Variants in SLC25A53 observed in about 807,000 individuals in gnomAD.
SLC25A53 encodes the protein mitochondrial carrier triple repeat protein 6.
Under a neutral mutation model 15.0 loss-of-function variants are expected in SLC25A53, and 5 were observed. That is an observed-to-expected ratio of 0.33 (90% CI 0.17 to 0.70). SLC25A53 has a LOEUF of 0.70. Ranked by LOEUF, SLC25A53 falls within the 30% of genes least tolerant of loss-of-function variation. The pLI is 0.67. For synonymous variants in SLC25A53, 95 were observed against 100.0 expected, an observed-to-expected ratio of 0.95 and a Z score of 0.30; for missense variants, 216 against 241.6, an observed-to-expected ratio of 0.89 and a Z score of 0.70.
intron 1 of SLC25A53, among the ~76,000 whole-genome samples, chrX:104,153,129 T>C (rs1323743196): frequency 2.7e-5 from 3 of 111,082 alleles, no homozygotes; most frequent in African/African-American, 9.8e-5. Flanking sequence ...CTAGAGTAAA[T>C]AAAATGATTT....
At chrX:104,132,858 A>C (rs781903230) in intron 1 of SLC25A53, among the ~76,000 whole-genome samples, 6 of 111,713 alleles carry the variant, frequency 5.4e-5, no homozygotes, top group Non-Finnish European at 1.1e-4. Context: ...GTGGGGATAA[A>C]ATCTTGGAAT....
chrX:104,130,238 T>A (rs1332667487), intron 1 of SLC25A53, among the ~76,000 whole-genome samples: 2 of 111,113 alleles, frequency 1.8e-5, no homozygotes, highest in Non-Finnish European at 1.9e-5. Context: ...CATCAACAGC[T>A]CTTTCTCTTG....
chrX:104,128,989 C>T (rs914119744), intron 1 of SLC25A53, among the ~76,000 whole-genome samples: 2 of 111,713 alleles, frequency 1.8e-5, no homozygotes, highest in Non-Finnish European at 3.8e-5. Context: ...TCTAAAGACA[C>T]CTTCTTTAAT....
chrX:104,142,759 C>CA (rs557363092), intron 1 of SLC25A53, among the ~76,000 whole-genome samples: 1,428 of 96,912 alleles, frequency 0.015, 16 homozygotes, highest in Non-Finnish European at 0.023. Context: ...ACTAAAACTA[C>CA]AAAAAAAAAA....
intron 1 of SLC25A53, among the ~76,000 whole-genome samples, chrX:104,129,178 T>C (rs1215144141): frequency 9.0e-6 from 1 of 111,628 alleles, no homozygotes; most frequent in African/African-American, 3.3e-5. Flanking sequence ...AATCCACAAA[T>C]TTTGCTGCTT....
chrX:104,106,916 C>T (rs2075313690), intron 1 of SLC25A53, among the ~76,000 whole-genome samples: 2 of 106,831 alleles, frequency 1.9e-5, no homozygotes, highest in Admixed American at 9.9e-5. Flanking sequence ...TCCCCGCAAT[C>T]CCATTCCTAT....
At position 104,103,205 on chromosome X, in the gene SLC25A53, C is replaced by T. The variant is rs1602479567; in HGVS notation, c.*1129G>A. On this transcript the variant is annotated 3_prime_UTR_variant, in exon 2 of 2. Transcript: ENST00000594199. Reference sequence around the variant, plus strand: ...ACATTCAGTTGGGGAAAATCAAGAACTCCATAGAGAAGGTGACCTCTGAGC... The same window carrying T: ...ACATTCAGTTGGGGAAAATCAAGAATTCCATAGAGAAGGTGACCTCTGAGC... The T allele has an allele frequency of 3.6e-5, 4 of 110,113 alleles. 1 individual carries two copies. In the Admixed American group the frequency reaches 3.9e-4, roughly 11 times the overall value. 9.1% of individuals were successfully genotyped at this position (110,113 alleles called of 1,213,427 possible). A position where few individuals can be genotyped will look rare whatever the true frequency, so the allele number is the denominator to read the frequency against.
chrX:104,110,635 GCTCT>G (rs2075336438), intron 1 of SLC25A53, among the ~76,000 whole-genome samples: 1 of 112,051 alleles, frequency 8.9e-6, no homozygotes, highest in African/African-American at 3.2e-5. Context: ...AGTAATACCT[GCTCT>G]CTAAGTCAGG....
intron 1 of SLC25A53, among the ~76,000 whole-genome samples, chrX:104,155,904 T>C (rs1226148272): frequency 9.2e-6 from 1 of 108,882 alleles, no homozygotes; most frequent in Non-Finnish European, 1.9e-5. Flanking sequence ...ATATAAAAAT[T>C]AGCCGGGAGT....
At chrX:104,136,522 T>TGAC (rs1404641616) in intron 1 of SLC25A53, among the ~76,000 whole-genome samples, 1 of 112,010 alleles carries the variant, frequency 8.9e-6, no homozygotes, top group Non-Finnish European at 1.9e-5. Flanking sequence ...AGAAAAAATC[T>TGAC]GACGTGGACA....
intron 1 of SLC25A53, among the ~76,000 whole-genome samples, chrX:104,148,281 T>A (rs1216181198): frequency 9.5e-6 from 1 of 105,682 alleles, no homozygotes; most frequent in Non-Finnish European, 1.9e-5. Context: ...AAGGGGAACA[T>A]CACACTCTGG....
chrX:104,146,163 C>A (rs1382531218), intron 1 of SLC25A53, among the ~76,000 whole-genome samples: 1 of 112,024 alleles, frequency 8.9e-6, no homozygotes, highest in African/African-American at 3.2e-5. Context: ...ATATGCAAAT[C>A]AATAAACATA....
intron 1 of SLC25A53, among the ~76,000 whole-genome samples, chrX:104,151,150 A>G (rs782163770): frequency 1.6e-3 from 184 of 111,740 alleles, no homozygotes; most frequent in African/African-American, 5.6e-3. Flanking sequence ...CTGGTCCCCC[A>G]GGTTTCCTCC....
chrX:104,142,440 C>T (rs1418048493), intron 1 of SLC25A53, among the ~76,000 whole-genome samples: 2 of 111,848 alleles, frequency 1.8e-5, no homozygotes, highest in African/African-American at 3.3e-5. Context: ...ACGCTAGCCA[C>T]GTGTCATATG....
rs782249868 is a variant in SLC25A53 at position 104,137,631 on chromosome X, T to G, written c.-32+19247A>C. On this transcript the variant is annotated intron_variant, in intron 1 of 1. Coordinates refer to ENST00000594199, the MANE Select transcript of SLC25A53 (RefSeq NM_001012755.5). ...ACTCTTTTATCTTTCAGACTTTCAG[T>G]GCTTCCCTGAACCAACCAATCAGAG... Among the ~76,000 whole-genome samples, 13 of 111,788 alleles carry G rather than the reference T, an allele frequency of 1.2e-4. No homozygotes were observed. In the South Asian group the frequency reaches 4.5e-3, roughly 39 times the overall value.
At chrX:104,142,759 CA>C (rs557363092) in intron 1 of SLC25A53, among the ~76,000 whole-genome samples, 41 of 96,785 alleles carry the variant, frequency 4.2e-4, no homozygotes, top group Middle Eastern at 5.0e-3. Flanking sequence ...ACTAAAACTA[CA>C]AAAAAAAAAA....
chrX:104,110,984 G>A (rs1457334071), intron 1 of SLC25A53, among the ~76,000 whole-genome samples: 5 of 112,867 alleles, frequency 4.4e-5, no homozygotes, highest in Admixed American at 9.3e-5. Context: ...TCAGAAGAAT[G>A]TACGGAGTCC....
At chrX:104,137,842 CTCTT>C (rs1490406502) in intron 1 of SLC25A53, among the ~76,000 whole-genome samples, 16 of 111,872 alleles carry the variant, frequency 1.4e-4, no homozygotes, top group Admixed American at 1.9e-4. Context: ...CACTGGAAGT[CTCTT>C]TCTTCCAGTC....
In SLC25A53 at chrX:104,143,438, G is replaced by A. The variant is rs183929743; in HGVS notation, c.-32+13440C>T. 3.6e-5 allele frequency among the ~76,000 whole-genome samples: 4 copies of A among 112,009 alleles called. No homozygotes were observed. In the Admixed American group the frequency reaches 3.8e-4, roughly 11 times the overall value. On this transcript the variant is annotated intron_variant, in intron 1 of 1. Transcript: ENST00000594199. ...CTGATGGAGCTGAAAAACACAGTAT[G>A]AGAACTTCGTGAAGCATACACAAGT...
Sources: allele counts gnomAD v4.1 joint callset (sites outside exome capture counted in the v4.1 genomes callset), GRCh38; gene constraint gnomAD v4.1.1; transcripts MANE v1.5; gene names NCBI Gene and HGNC (gene_info 2026-07-23, HGNC 2026-07-21).